The following SHROOM2 variants were observed in gnomAD, a reference collection of about 807,000 sequenced individuals.
SHROOM2 encodes protein Shroom2.
SHROOM2 carries 33 observed loss-of-function variants against 75.9 expected under a neutral mutation model. That is an observed-to-expected ratio of 0.43 (90% CI 0.33 to 0.58). SHROOM2 has a LOEUF of 0.58. Ranked by LOEUF, SHROOM2 falls within the 20% of genes least tolerant of loss-of-function variation. The pLI, the probability that SHROOM2 is intolerant of heterozygous loss-of-function variation, is 0.04. For synonymous variants in SHROOM2, 655 were observed against 663.6 expected (o/e 0.99, Z 0.20); for missense variants, 1,434 against 1,461.2 (o/e 0.98, Z 0.30).
In SHROOM2 at chrX:9,894,958, G is replaced by A. The variant is rs774529007; in HGVS notation, c.1050G>A (p.Thr350=). The part of the protein sequence containing the change: ...FSEAAAAQHF[T]ALAQAQPRGD... ...AGGCGGCTGCGGCACAGCACTTTAC[G>A]GCCCTGGCCCAGGCTCAGCCTCGTG... Residue 350 remains threonine (T), a synonymous_variant, in exon 4 of 10, where the codon ACG becomes ACA. Coordinates refer to ENST00000380913, the MANE Select transcript of SHROOM2 (RefSeq NM_001649.4). 8 of 1,208,907 alleles carry A rather than the reference G, an allele frequency of 6.6e-6. No individual in the cohort carries two copies. Among genetic ancestry groups the A allele is most frequent in the Admixed American group, 6.5e-5 (3 of 45,901 alleles).
intron 5 of SHROOM2, among the ~76,000 whole-genome samples, chrX:9,899,534 T>G (rs1163401972): frequency 1.8e-5 from 2 of 112,123 alleles, no homozygotes; most frequent in African/African-American, 6.5e-5. Context: ...AAGAGCCTCA[T>G]GTAATGGGGT....
intron 6 of SHROOM2, among the ~76,000 whole-genome samples, chrX:9,936,214 C>T (rs2084704223): frequency 1.8e-5 from 2 of 110,329 alleles, no homozygotes; most frequent in Admixed American, 1.9e-4. Context: ...CAGGTTCAAG[C>T]GATTCTCATG....
At chrX:9,887,762 G>A (rs187689320) in intron 2 of SHROOM2, among the ~76,000 whole-genome samples, 134 of 112,723 alleles carry the variant, frequency 1.2e-3, no homozygotes, top group Non-Finnish European at 2.1e-3. Flanking sequence ...GGAGGGAGGC[G>A]GTGTAAACAG....
intron 9 of SHROOM2, among the ~76,000 whole-genome samples, chrX:9,946,123 G>A (rs184073570): frequency 1.5e-4 from 17 of 113,039 alleles, no homozygotes; most frequent in Admixed American, 1.0e-3. Flanking sequence ...GCCGACACCC[G>A]TGCACAGCAC....
At position 9,947,086 on chromosome X, in the gene SHROOM2, T is replaced by A; in HGVS notation, c.*149T>A. On this transcript the variant is annotated 3_prime_UTR_variant, in exon 10 of 10. Coordinates refer to ENST00000380913, the MANE Select transcript of SHROOM2 (RefSeq NM_001649.4). ...GCTGTTATAAAAGCAATAACTTTTG[T>A]GTTTGTGTGGGATGATTTATTTAAT... 5 of 590,308 alleles carry A rather than the reference T, an allele frequency of 8.5e-6. No homozygotes were observed. The highest frequency in any genetic ancestry group is 1.3e-5 in the Non-Finnish European group (5 of 384,100). The allele number at this position is 590,308 out of a possible 1,213,427, so 48.6% of individuals were successfully genotyped here.
intron 1 of SHROOM2, among the ~76,000 whole-genome samples, chrX:9,815,876 G>T (rs2083818809): frequency 9.0e-6 from 1 of 111,513 alleles, no homozygotes; most frequent in African/African-American, 3.3e-5. Context: ...GCCTTCCCCA[G>T]CCCACTGACT....
chrX:9,817,515 A>G (rs2083829769), intron 1 of SHROOM2, among the ~76,000 whole-genome samples: 1 of 112,010 alleles, frequency 8.9e-6, no homozygotes, highest in African/African-American at 3.2e-5. Flanking sequence ...GGCTCACCCA[A>G]CGTGCAGTGC....
At chrX:9,875,517 C>G (rs2084196106) in intron 2 of SHROOM2, among the ~76,000 whole-genome samples, 1 of 111,591 alleles carries the variant, frequency 9.0e-6, no homozygotes, top group African/African-American at 3.3e-5. Context: ...TCCCAGAGAC[C>G]CCAAAAACAC....
intron 1 of SHROOM2, among the ~76,000 whole-genome samples, chrX:9,857,328 G>C (rs746408019): frequency 4.5e-5 from 5 of 111,316 alleles, no homozygotes; most frequent in Non-Finnish European, 9.4e-5. Context: ...TTGACCCTTG[G>C]ACATGATTTT....
At chrX:9,805,244 A>C (rs1480860267) in intron 1 of SHROOM2, among the ~76,000 whole-genome samples, 1 of 111,338 alleles carries the variant, frequency 9.0e-6, no homozygotes, top group South Asian at 3.7e-4. Context: ...GACTGTCTCA[A>C]AAAATAAAAA....
chrX:9,897,695 A>AAAAAAAG (rs2084341542), intron 4 of SHROOM2, among the ~76,000 whole-genome samples: 1 of 109,396 alleles, frequency 9.1e-6, no homozygotes, highest in African/African-American at 3.3e-5. Flanking sequence ...AAAAAAAAAA[A>AAAAAAAG]AAAAAGAACC....
chrX:9,851,220 G>T (rs1402851772), intron 1 of SHROOM2, among the ~76,000 whole-genome samples: 1 of 111,112 alleles, frequency 9.0e-6, no homozygotes, highest in African/African-American at 3.3e-5. Context: ...TGTGGCCCAG[G>T]CTGGTCTTGA....
chrX:9,900,314 A>G (rs1284892936), intron 5 of SHROOM2, among the ~76,000 whole-genome samples: 1 of 111,632 alleles, frequency 9.0e-6, no homozygotes, highest in Non-Finnish European at 1.9e-5. Flanking sequence ...AGCAAGAAAG[A>G]ATACACTTGA....
Position 9,860,543 on chromosome X carries a change from C to T in SHROOM2, c.166-13109C>T, listed in dbSNP as rs1407233934. On this transcript the variant is annotated intron_variant, in intron 1 of 9. Transcript: ENST00000380913. The stretch of plus-strand genomic sequence containing the variant: ...GGTTCAAGCGATTCTCTTGCCTTAG[C>T]CTCCTGAGTAGCTGGGATTATAGGC... Among the ~76,000 whole-genome samples, 4 of 111,480 alleles carry T rather than the reference C, an allele frequency of 3.6e-5. No individual in the cohort carries two copies. The East Asian group carries it at 1.1e-3, about 31-fold the overall frequency.
At chrX:9,921,739 TG>T (rs1412161336) in intron 5 of SHROOM2, among the ~76,000 whole-genome samples, 1 of 112,297 alleles carries the variant, frequency 8.9e-6, no homozygotes, top group African/African-American at 3.2e-5. Flanking sequence ...CTTAGCATAA[TG>T]TCCTGTAGGC....
rs1206398025 is a variant in SHROOM2 at position 9,932,698 on chromosome X, G to A, written c.3415G>A (p.Val1139Met). ...TGTCTGTGAGCGTGGAAGCCAGCAT[G>A]TGAGCGGGGACGCATCACGTCCTCT... ...ATVCERGSQH[V>M]SGDASRPLPE... is the part of the protein sequence containing the mutation. Residue 1139 changes from valine to methionine, a missense_variant, in exon 6 of 10, where the codon GTG becomes ATG. Val to Met is a conservative substitution (Grantham distance 21). Transcript: ENST00000380913. The A allele has an allele frequency of 8.3e-7, 1 of 1,211,640 alleles. No individual in the cohort carries two copies. The highest frequency in any genetic ancestry group is 1.1e-6 in the Non-Finnish European group (1 of 895,528).
At chrX:9,855,732 C>T (rs2084066280) in intron 1 of SHROOM2, among the ~76,000 whole-genome samples, 1 of 111,840 alleles carries the variant, frequency 8.9e-6, no homozygotes, top group Non-Finnish European at 1.9e-5. Flanking sequence ...TTGACTTGTA[C>T]GACCATCGGG....
chrX:9,850,764 C>T (rs1018533714), intron 1 of SHROOM2, among the ~76,000 whole-genome samples: 11 of 104,371 alleles, frequency 1.1e-4, no homozygotes, highest in Non-Finnish European at 1.9e-4. Flanking sequence ...CACTTGAGCC[C>T]AGGAGGTCAG....
intron 8 of SHROOM2, among the ~76,000 whole-genome samples, chrX:9,944,362 C>T (rs974691029): frequency 1.8e-5 from 2 of 111,778 alleles, no homozygotes; most frequent in African/African-American, 3.3e-5. Context: ...TCTACCATGA[C>T]GAGCATCGGG....
Sources: gnomAD v4.1 joint callset for allele counts (sites outside exome capture counted in the v4.1 genomes callset) on GRCh38, gnomAD v4.1.1 for gene constraint, MANE v1.5 for transcripts, NCBI Gene and HGNC (gene_info 2026-07-23, HGNC 2026-07-21) for gene names.